Variants in ADRA1B observed in about 807,000 individuals in gnomAD.
ADRA1B encodes alpha-1B adrenergic receptor.
In ADRA1B, 17 loss-of-function variants were observed where a neutral mutation model predicts 17.9. The observed-to-expected ratio is 0.95, with a 90% CI of 0.65 to 1.42. The LOEUF is 1.42. Ranked by LOEUF, ADRA1B falls within the 40% of genes most tolerant of loss-of-function variation. The pLI is 0.00. For synonymous variants in ADRA1B, 366 were observed against 327.6 expected (o/e 1.12, Z -1.27); for missense variants, 681 against 722.1 (o/e 0.94, Z 0.65).
intron 1 of ADRA1B, chr5:159,950,577 G>A: frequency 1.6e-6 from 2 of 1,278,148 alleles, no homozygotes. Context: ...AAATGAGCTT[G>A]ACAAAATGGT....
the ADRA1B span, among the ~76,000 whole-genome samples, chr5:159,983,214 A>T: frequency 6.6e-6 from 1 of 152,128 alleles, no homozygotes; most frequent in South Asian, 2.1e-4. Context: ...AGTGAGCAGG[A>T]CTTCCCTATC....
chr5:159,932,660 C>T (rs977517146), intron 1 of ADRA1B, among the ~76,000 whole-genome samples: 30 of 152,280 alleles, frequency 2.0e-4, no homozygotes, highest in Middle Eastern at 6.8e-3. Flanking sequence ...TCCATGGAGG[C>T]AACCACTATT....
At chr5:159,976,557 C>T (rs747511644), downstream of ADRA1B, among the ~76,000 whole-genome samples, 1 of 151,124 alleles carries the variant, frequency 6.6e-6, no homozygotes, top group Non-Finnish European at 1.5e-5. Context: ...ATCCCAGCTA[C>T]TCGGGAGGCT....
At chr5:159,886,157 C>T (rs1012670616) in intron 1 of ADRA1B, among the ~76,000 whole-genome samples, 3 of 152,194 alleles carry the variant, frequency 2.0e-5, no homozygotes, top group Non-Finnish European at 4.4e-5. Flanking sequence ...TTTTGGAGAG[C>T]AGGAGCTAGT....
At chr5:159,931,330 G>A (rs1448527090) in intron 1 of ADRA1B, among the ~76,000 whole-genome samples, 2 of 151,084 alleles carry the variant, frequency 1.3e-5, no homozygotes, top group African/African-American at 4.9e-5. Context: ...GGAGGTCAAG[G>A]GTACAATGAG....
At chr5:159,966,114 C>T (rs1755772141) in intron 1 of ADRA1B, among the ~76,000 whole-genome samples, 2 of 152,070 alleles carry the variant, frequency 1.3e-5, no homozygotes, top group South Asian at 4.1e-4. Flanking sequence ...CCAGCTCACA[C>T]CACTCAATTA....
chr5:159,928,612 T>C (rs1300185483), intron 1 of ADRA1B, among the ~76,000 whole-genome samples: 2 of 152,208 alleles, frequency 1.3e-5, no homozygotes, highest in Non-Finnish European at 2.9e-5. Flanking sequence ...TTCTCTCTCC[T>C]GTTGGGATGA....
upstream of ADRA1B, among the ~76,000 whole-genome samples, chr5:159,915,603 TC>T (rs1754282289): frequency 6.6e-6 from 1 of 152,150 alleles, no homozygotes; most frequent in Non-Finnish European, 1.5e-5. Context: ...TCCCCAGGTC[TC>T]TGACCTCCCT....
In ADRA1B at chr5:159,917,085, C is replaced by A; in HGVS notation, c.180C>A (p.Ile60=). 6.2e-7 allele frequency: 1 copy of A among 1,614,134 alleles called. No individual in the cohort carries two copies. ...TGGGCGCCTTCATCCTCTTTGCCAT[C>A]GTGGGCAACATCCTAGTCATCTTGT... is the stretch of plus-strand genomic sequence containing the variant. ...LVLGAFILFA[I]VGNILVILSV... The change falls in exon 1 of 2, where the codon ATC becomes ATA. Residue 60 remains isoleucine (I), a synonymous_variant. Coordinates refer to ENST00000306675, the MANE Select transcript of ADRA1B (RefSeq NM_000679.4).
intron 1 of ADRA1B, among the ~76,000 whole-genome samples, chr5:159,952,249 C>T (rs541872386): frequency 2.7e-4 from 41 of 152,152 alleles, no homozygotes; most frequent in African/African-American, 4.1e-4. Flanking sequence ...GTTTTTCCAA[C>T]GCATACATAT....
At chr5:159,907,875 C>G (rs998679461) in intron 1 of ADRA1B, among the ~76,000 whole-genome samples, 6 of 151,966 alleles carry the variant, frequency 3.9e-5, no homozygotes, top group African/African-American at 1.5e-4. Context: ...TAAGCTACTT[C>G]CTTAGGGCTA....
intron 1 of ADRA1B, chr5:159,948,557 A>G (rs1755339351): frequency 2.3e-6 from 2 of 864,090 alleles, no homozygotes; most frequent in African/African-American, 3.7e-5. Context: ...AAACAAAAAA[A>G]GATAGTAAAA....
intron 1 of ADRA1B, chr5:159,869,225 T>G (rs561348392): frequency 6.6e-6 from 1 of 152,350 alleles, no homozygotes; most frequent in South Asian, 2.1e-4. Flanking sequence ...TATTCCACCC[T>G]GGACAAACCA....
In ADRA1B at chr5:159,916,923, C is replaced by G; in HGVS notation, c.18C>G (p.Asp6Glu). The change falls in exon 1 of 2, where the codon GAC becomes GAG. Residue 6 changes from aspartate to glutamate, a missense_variant. By Grantham distance (45) the Asp-to-Glu change is conservative (BLOSUM62 2). Around this residue, in one of 3 missense-constraint regions of ADRA1B, gnomAD observed 424 missense variants for 480.2 expected, o/e 0.88. Transcript: ENST00000306675. MNPDL[D>E]TGHNTSAPAH... ...ACTCTAAGATGAATCCCGACCTGGA[C>G]ACCGGCCACAACACATCAGCACCTG... The G allele has an allele frequency of 6.2e-7, 1 of 1,612,222 alleles. No individual in the cohort carries two copies. The highest frequency in any genetic ancestry group is 8.5e-7 in the Non-Finnish European group (1 of 1,179,020).
Position 159,972,377 on chromosome 5 carries a change from A to G in ADRA1B, c.1448A>G (p.Glu483Gly). The G allele has an allele frequency of 1.3e-6, 2 of 1,512,248 alleles. No homozygotes were observed. The highest frequency in any genetic ancestry group is 2.4e-5 in the South Asian group (2 of 81,996). 93.7% of individuals were successfully genotyped at this position (1,512,248 alleles called of 1,614,324 possible). Residue 483 changes from glutamate to glycine, a missense_variant, in exon 2 of 2, where the codon GAG becomes GGG. Physicochemically the swap from Glu to Gly is moderately conservative, Grantham distance 98 (BLOSUM62 -2). Around this residue, in one of 3 missense-constraint regions of ADRA1B, gnomAD observed 251 missense variants for 224.9 expected, o/e 1.12. Transcript: ENST00000306675. ...ACCTTCAAGCTCCTGACCGAGCCCGAGAGCCCCGGGACCGACGGCGGCGCC... is the reference window on the plus strand; with the variant it reads ...ACCTTCAAGCTCCTGACCGAGCCCGGGAGCCCCGGGACCGACGGCGGCGCC... ...LFTFKLLTEP[E>G]SPGTDGGASN...
At chr5:159,944,212 G>A (rs771890851) in intron 1 of ADRA1B, among the ~76,000 whole-genome samples, 3 of 152,004 alleles carry the variant, frequency 2.0e-5, no homozygotes, top group Non-Finnish European at 2.9e-5. Flanking sequence ...GATGCCCCAG[G>A]AACAAATGGC....
Position 159,917,515 on chromosome 5 carries a change from G to A in ADRA1B, c.610G>A (p.Ala204Thr). Residue 204 changes from alanine (A) to threonine (T), a missense_variant, in exon 1 of 2, where the codon GCC becomes ACC. Ala to Thr is a moderately conservative substitution (Grantham distance 58, BLOSUM62 0). Coordinates refer to ENST00000306675, the MANE Select transcript of ADRA1B (RefSeq NM_000679.4). Reference protein sequence around the residue: ...ECGVTEEPFYALFSSLGSFYI... With the variant: ...ECGVTEEPFYTLFSSLGSFYI... The stretch of plus-strand genomic sequence containing the variant: ...CGGGGTCACCGAAGAACCCTTCTAT[G>A]CCCTCTTCTCCTCTCTGGGCTCCTT... 6.2e-7 allele frequency: 1 copy of A among 1,614,030 alleles called. No individual in the cohort carries two copies. Among genetic ancestry groups the A allele is most frequent in the Non-Finnish European group, 8.5e-7 (1 of 1,179,968 alleles).
intron 1 of ADRA1B, among the ~76,000 whole-genome samples, chr5:159,919,088 G>A (rs1434104224): frequency 6.6e-6 from 1 of 152,146 alleles, no homozygotes; most frequent in Non-Finnish European, 1.5e-5. Flanking sequence ...GAAGCAAACA[G>A]ATATCGAGTT....
At chr5:159,958,525 CT>C (rs1413099986) in intron 1 of ADRA1B, among the ~76,000 whole-genome samples, 1 of 152,164 alleles carries the variant, frequency 6.6e-6, no homozygotes, top group African/African-American at 2.4e-5. Context: ...CATACCCACT[CT>C]TACCATTCCT....
Sources: allele counts gnomAD v4.1 joint callset (sites outside exome capture counted in the v4.1 genomes callset), GRCh38; gene constraint gnomAD v4.1.1; regional missense constraint gnomAD v4.1.1; transcripts MANE v1.5; gene names NCBI Gene and HGNC (gene_info 2026-07-23, HGNC 2026-07-21).